Variants in LARS2 observed in about 807,000 individuals in gnomAD.
The protein encoded by LARS2 is leucine--tRNA ligase, mitochondrial.
A neutral mutation model predicts 116.6 loss-of-function variants in LARS2; 81 were observed. The observed-to-expected ratio is 0.69, with a 90% CI of 0.58 to 0.84. LARS2 has a LOEUF of 0.84. Among genes scored for constraint, LARS2 ranks in the 40% least tolerant of loss-of-function variants. The probability of loss-of-function intolerance (pLI) is 0.00; values close to 1 mark genes in which losing one functional copy is unlikely to be tolerated. For missense variants in LARS2, 968 were observed against 1,114.5 expected, an observed-to-expected ratio of 0.87 and a Z score of 1.87; for synonymous variants, 396 against 407.2, an observed-to-expected ratio of 0.97 and a Z score of 0.33.
At chr3:45,509,023 A>C (rs913578196) in intron 15 of LARS2, among the ~76,000 whole-genome samples, 1 of 151,260 alleles carries the variant, frequency 6.6e-6, no homozygotes, top group African/African-American at 2.4e-5. Flanking sequence ...ATCTCCCCCC[A>C]GTTTTCATCA....
At chr3:45,458,662 G>T in intron 7 of LARS2, 81 bp from the exon 8 acceptor site, 1 of 1,441,320 alleles carries the variant, frequency 6.9e-7, no homozygotes, top group Non-Finnish European at 9.7e-7. Flanking sequence ...ACTCTAGCCC[G>T]GGCGACAGTG....
intron 20 of LARS2, among the ~76,000 whole-genome samples, chr3:45,524,324 T>C (rs985800841): frequency 1.3e-5 from 2 of 152,178 alleles, no homozygotes; most frequent in Non-Finnish European, 2.9e-5. Flanking sequence ...CTTTGAATAA[T>C]GTGCCCAGAC....
chr3:45,517,024 T>A (rs1700378292), intron 17 of LARS2, among the ~76,000 whole-genome samples: 1 of 152,226 alleles, frequency 6.6e-6, no homozygotes, highest in South Asian at 2.1e-4. Context: ...GAAGTATCCA[T>A]GTCATTTGAG....
intron 5 of LARS2, among the ~76,000 whole-genome samples, chr3:45,418,458 T>TAGTGATAAA (rs1559462465): frequency 6.6e-6 from 1 of 152,206 alleles, no homozygotes; most frequent in Non-Finnish European, 1.5e-5. Flanking sequence ...AGATTTTATC[T>TAGTGATAAA]AGTGATAAAA....
intron 10 of LARS2, 135 bp from the exon 11 acceptor site, chr3:45,485,557 A>C (rs755379386): frequency 3.6e-6 from 2 of 562,114 alleles, no homozygotes; most frequent in Non-Finnish European, 6.5e-6. Context: ...TACCCTTCAA[A>C]GGACAACTTA....
intron 12 of LARS2, 36 bp from the exon 13 acceptor site, chr3:45,491,481 C>A: frequency 1.9e-6 from 3 of 1,604,078 alleles, no homozygotes; most frequent in Non-Finnish European, 2.6e-6. Context: ...TGGTGCTATG[C>A]GGAGAGGAGT....
chr3:45,416,178 C>T (rs1002752780), intron 4 of LARS2, among the ~76,000 whole-genome samples: 1 of 151,066 alleles, frequency 6.6e-6, no homozygotes, highest in Admixed American at 6.6e-5. Flanking sequence ...ATCCCAGCTA[C>T]TCGGGAGGCT....
At chr3:45,401,663 C>T (rs768969653) in intron 4 of LARS2, among the ~76,000 whole-genome samples, 6 of 152,068 alleles carry the variant, frequency 3.9e-5, no homozygotes, top group Admixed American at 1.3e-4. Flanking sequence ...TTTGTCACCC[C>T]GGCTGGAGTG....
intron 16 of LARS2, among the ~76,000 whole-genome samples, chr3:45,513,850 G>C (rs1399844123): frequency 6.6e-6 from 1 of 152,132 alleles, no homozygotes; most frequent in Admixed American, 6.5e-5. Context: ...AAGATCTTCA[G>C]GTGCCATGGT....
At chr3:45,409,687 A>G (rs1158751665) in intron 4 of LARS2, among the ~76,000 whole-genome samples, 1 of 152,204 alleles carries the variant, frequency 6.6e-6, no homozygotes, top group Non-Finnish European at 1.5e-5. Flanking sequence ...CCCAGGGTAT[A>G]GAAACAAAGA....
intron 16 of LARS2, among the ~76,000 whole-genome samples, chr3:45,513,979 G>GCTT (rs1700332801): frequency 6.6e-6 from 1 of 152,158 alleles, no homozygotes; most frequent in Non-Finnish European, 1.5e-5. Context: ...GCCAAGGCAG[G>GCTT]TGGATCACCT....
intron 20 of LARS2, among the ~76,000 whole-genome samples, chr3:45,525,624 G>A (rs1389114261): frequency 6.6e-6 from 1 of 152,190 alleles, no homozygotes; most frequent in African/African-American, 2.4e-5. Flanking sequence ...TACTTTATAT[G>A]CTTTAAGACA....
chr3:45,471,540 T>G (rs1699525440), intron 8 of LARS2, among the ~76,000 whole-genome samples: 1 of 152,108 alleles, frequency 6.6e-6, no homozygotes, highest in Non-Finnish European at 1.5e-5. Context: ...AAAAGCACAA[T>G]GAGAGGGTGA....
At chr3:45,533,021 G>A (rs2125765463) in intron 20 of LARS2, among the ~76,000 whole-genome samples, 1 of 152,136 alleles carries the variant, frequency 6.6e-6, no homozygotes, top group South Asian at 2.1e-4. Context: ...CACCCTTAAG[G>A]GAGGGAGGTA....
At chr3:45,424,041 G>A (rs1357089042) in intron 6 of LARS2, among the ~76,000 whole-genome samples, 1 of 152,150 alleles carries the variant, frequency 6.6e-6, no homozygotes, top group Non-Finnish European at 1.5e-5. Flanking sequence ...TTTTCATAAT[G>A]TAATATAATA....
At chr3:45,517,847 T>G in intron 17 of LARS2, 56 bp from the exon 18 acceptor site, 1 of 1,413,542 alleles carries the variant, frequency 7.1e-7, no homozygotes, top group Non-Finnish European at 9.8e-7. Flanking sequence ...TTATACCAAG[T>G]CAATCACCCT....
intron 19 of LARS2, among the ~76,000 whole-genome samples, chr3:45,522,337 T>C (rs966615299): frequency 2.9e-4 from 44 of 152,206 alleles, no homozygotes; most frequent in Admixed American, 5.2e-4. Flanking sequence ...AAATGACTTA[T>C]GTCATATCAA....
chr3:45,394,596 C>T lies in LARS2; in HGVS notation c.143C>T (p.Thr48Ile). The part of the protein sequence containing the change: ...RSIYSATGKW[T>I]KEYTLQTRKD... ...ATCTACAGTGCCACGGGAAAGTGGA[C>T]AAAAGAGTATACATTGCAGACAAGA... is the stretch of plus-strand genomic sequence containing the variant. Residue 48 changes from threonine (T) to isoleucine (I), a missense_variant, in exon 3 of 22, where the codon ACA becomes ATA. Physicochemically the swap from Thr to Ile is moderately conservative, Grantham distance 89 (BLOSUM62 -1). Coordinates refer to ENST00000645846, the MANE Select transcript of LARS2 (RefSeq NM_015340.4). 1 of 1,614,042 alleles carries T rather than the reference C, an allele frequency of 6.2e-7. No homozygotes were observed.
In LARS2 at chr3:45,483,446, C is replaced by T. The variant is rs62243190; in HGVS notation, c.1019-2246C>T. ...GGCAGATCATCTGAGGTCAGGAGTT[C>T]GAGACCAGCCTGGCCAACATGGTGA... is the stretch of plus-strand genomic sequence containing the variant. On this transcript the variant is annotated intron_variant, in intron 10 of 21. Transcript: ENST00000645846. 7.8e-3 allele frequency among the ~76,000 whole-genome samples: 1,192 copies of T among 152,148 alleles called. 19 individuals carry two copies. Among genetic ancestry groups the T allele is most frequent in the Non-Finnish European group, 7.1e-3 (480 of 67,988 alleles).
Sources: gnomAD v4.1 joint callset for allele counts (sites outside exome capture counted in the v4.1 genomes callset) on GRCh38, gnomAD v4.1.1 for gene constraint, MANE v1.5 for transcripts, NCBI Gene and HGNC (gene_info 2026-07-23, HGNC 2026-07-21) for gene names.